The following RPS6KA5 variants were observed in gnomAD, a reference collection of about 807,000 sequenced individuals.
RPS6KA5 encodes the protein ribosomal protein S6 kinase A5, also known as ribosomal protein S6 kinase alpha-5.
In RPS6KA5, 27 loss-of-function variants were observed where a neutral mutation model predicts 85.5. The ratio of observed to expected loss-of-function variants is 0.32; its 90% confidence interval spans 0.23 to 0.44. The LOEUF (loss-of-function observed/expected upper bound fraction) is 0.44. RPS6KA5 is among the 20% of genes least tolerant of loss of function. The pLI, the probability that RPS6KA5 is intolerant of heterozygous loss-of-function variation, is 1.00. For synonymous variants in RPS6KA5, 334 were observed against 348.2 expected, an observed-to-expected ratio of 0.96 and a Z score of 0.46; for missense variants, 811 against 980.9, an observed-to-expected ratio of 0.83 and a Z score of 2.31.
chr14:91,060,391 C>A lies in RPS6KA5; in HGVS notation c.44G>T (p.Ser15Ile). 1 of 1,509,390 alleles carries A rather than the reference C, an allele frequency of 6.6e-7. No homozygotes were observed. Among genetic ancestry groups the A allele is most frequent in the East Asian group, 2.7e-5 (1 of 37,370 alleles). The allele number at this position is 1,509,390 out of a possible 1,614,324, so 93.5% of individuals were successfully genotyped here. A position where few individuals can be genotyped will look rare whatever the true frequency, so the allele number is the denominator to read the frequency against. The change falls in exon 1 of 17, where the codon AGC becomes ATC. Residue 15 changes from serine to isoleucine, a missense_variant. This residue lies in a region of RPS6KA5 where 113 missense variants were observed against 100.0 expected (regional missense o/e 1.13). Transcript: ENST00000614987. The part of the protein sequence containing the change: ...GGSSGGAAGT[S>I]ADGGDGGEQL... ...CTCTCCTCCGTCGCCGCCGTCCGCGCTGGTCCCCGCGGCGCCGCCGCTGCT... is the reference window on the plus strand; with the variant it reads ...CTCTCCTCCGTCGCCGCCGTCCGCGATGGTCCCCGCGGCGCCGCCGCTGCT...
At chr14:90,997,641 C>A (rs111285650) in intron 2 of RPS6KA5, among the ~76,000 whole-genome samples, 2,251 of 152,234 alleles carry the variant, frequency 0.015, 52 homozygotes, top group African/African-American at 0.052. Flanking sequence ...ATGGAAACAA[C>A]CCAAATGCCC....
chr14:91,052,337 G>C (rs2043119172), intron 1 of RPS6KA5: 2 of 394,524 alleles, frequency 5.1e-6, no homozygotes, highest in East Asian at 1.6e-4. Context: ...GTATGGTAGT[G>C]GGTGCCTGTA....
rs2032327823 is a variant in RPS6KA5 at position 90,857,220 on chromosome 14, T to C, written c.*14854A>G. 1 of 152,194 alleles carries C rather than the reference T, an allele frequency of 6.6e-6. No individual in the cohort carries two copies. Among genetic ancestry groups the C allele is most frequent in the Admixed American group, 6.5e-5 (1 of 15,286 alleles). 9.4% of individuals were successfully genotyped at this position (152,194 alleles called of 1,614,324 possible). A position where few individuals can be genotyped will look rare whatever the true frequency, so the allele number is the denominator to read the frequency against. ...TGGGAAAGAATAACAAAGACAGGAA[T>C]AGAATCCTTGATCTGACTATAATAT... On this transcript the variant is annotated 3_prime_UTR_variant, in exon 17 of 17. Coordinates refer to ENST00000614987, the MANE Select transcript of RPS6KA5 (RefSeq NM_004755.4).
rs1006169430 is a variant in RPS6KA5, at chr14:90,859,394, T to C, written c.*12680A>G. 1.3e-5 allele frequency: 2 copies of C among 152,136 alleles called. No individual in the cohort carries two copies. Among genetic ancestry groups the C allele is most frequent in the African/African-American group, 4.8e-5 (2 of 41,428 alleles). The allele number at this position is 152,136 out of a possible 1,614,324, so 9.4% of individuals were successfully genotyped here. A position where few individuals can be genotyped will look rare whatever the true frequency, so the allele number is the denominator to read the frequency against. On this transcript the variant is annotated 3_prime_UTR_variant, in exon 17 of 17. Coordinates refer to ENST00000614987, the MANE Select transcript of RPS6KA5 (RefSeq NM_004755.4). ...ACAACAGACAATGGAAACAAACAAC[T>C]AGTAGTAGTAATCAGACACTGGATT...
intron 14 of RPS6KA5, among the ~76,000 whole-genome samples, chr14:90,880,081 G>C (rs1226707251): frequency 6.6e-6 from 1 of 152,120 alleles, no homozygotes; most frequent in Non-Finnish European, 1.5e-5. Context: ...TTACAAGAGT[G>C]AGCCACCATG....
intron 2 of RPS6KA5, among the ~76,000 whole-genome samples, chr14:91,000,805 A>T (rs189580085): frequency 0.018 from 2,741 of 151,982 alleles, 63 homozygotes; most frequent in African/African-American, 0.064. Context: ...CCGTCTCAAA[A>T]AAAATAAAAT....
At chr14:91,035,930 T>C (rs1199544358) in intron 1 of RPS6KA5, among the ~76,000 whole-genome samples, 1 of 112,764 alleles carries the variant, frequency 8.9e-6, no homozygotes, top group African/African-American at 3.8e-5. Flanking sequence ...CTGAATTAGG[T>C]ATCTTCAAGC....
chr14:90,890,503 C>T lies in RPS6KA5; in HGVS notation c.1820G>A (p.Ser607Asn), dbSNP rs763687878. 6.2e-7 allele frequency: 1 copy of T among 1,606,358 alleles called. No individual in the cohort carries two copies. The change falls in exon 14 of 17, where the codon AGC becomes AAC. Residue 607 changes from serine to asparagine, a missense_variant. Ser to Asn is a conservative substitution (Grantham distance 46). Transcript: ENST00000614987. ...AGAACTCACCAAAATGACGCCCAAG[C>T]TCCACAGGTCACAGGACTCATCGTA... is the stretch of plus-strand genomic sequence containing the variant. ...NGYDESCDLW[S>N]LGVILYTMLS...
In RPS6KA5 at chr14:90,850,082, T is replaced by A. The variant is rs1470168171; in HGVS notation, c.*21992A>T. The A allele has an allele frequency of 6.6e-6, 1 of 152,228 alleles. No individual in the cohort carries two copies. Among genetic ancestry groups the A allele is most frequent in the East Asian group, 1.9e-4 (1 of 5,192 alleles). 9.4% of individuals were successfully genotyped at this position (152,228 alleles called of 1,614,324 possible). ...CCTTAGAAGGAAAGTTTCAGGACACTCTGGCACTTTTTTTCTAGTCTGGGA... is the reference window on the plus strand; with the variant it reads ...CCTTAGAAGGAAAGTTTCAGGACACACTGGCACTTTTTTTCTAGTCTGGGA... On this transcript the variant is annotated 3_prime_UTR_variant, in exon 17 of 17. Transcript: ENST00000614987.
intron 3 of RPS6KA5, among the ~76,000 whole-genome samples, chr14:90,963,010 T>G (rs929377991): frequency 6.6e-6 from 1 of 152,184 alleles, no homozygotes; most frequent in Non-Finnish European, 1.5e-5. Flanking sequence ...CTATTCAAAT[T>G]TGGCCATTTA....
At chr14:91,020,382 T>C (rs957356384) in intron 1 of RPS6KA5, among the ~76,000 whole-genome samples, 2 of 152,206 alleles carry the variant, frequency 1.3e-5, no homozygotes, top group Non-Finnish European at 2.9e-5. Context: ...ATTAGGTATT[T>C]AAAGTAATGT....
At position 90,866,935 on chromosome 14, in the gene RPS6KA5, GT is replaced by G. The variant is rs2032826220; in HGVS notation, c.*5138del. ...TTTCAGCAAATAGGATAGCAGTATA[GT>G]ACCTAAAATAAACTATTAGGAATAA... On this transcript the variant is annotated 3_prime_UTR_variant, in exon 17 of 17. Coordinates refer to ENST00000614987, the MANE Select transcript of RPS6KA5 (RefSeq NM_004755.4). The G allele has an allele frequency of 6.6e-6, 1 of 152,206 alleles. No homozygotes were observed. The highest frequency in any genetic ancestry group is 2.1e-4 in the South Asian group (1 of 4,832). The allele number at this position is 152,206 out of a possible 1,614,324, so 9.4% of individuals were successfully genotyped here. A position where few individuals can be genotyped will look rare whatever the true frequency, so the allele number is the denominator to read the frequency against.
chr14:90,923,701 A>G (rs1240964799), intron 5 of RPS6KA5, among the ~76,000 whole-genome samples: 1 of 152,132 alleles, frequency 6.6e-6, no homozygotes, highest in Non-Finnish European at 1.5e-5. Flanking sequence ...CAAAGATAAA[A>G]AAGAATAAAA....
chr14:90,953,124 G>A (rs752691677), intron 3 of RPS6KA5, among the ~76,000 whole-genome samples: 7 of 152,182 alleles, frequency 4.6e-5, no homozygotes, highest in Non-Finnish European at 8.8e-5. Context: ...CAGGGACCCC[G>A]AATGGAGGGA....
Position 90,863,998 on chromosome 14 carries a change from C to T in RPS6KA5, c.*8076G>A, listed in dbSNP as rs1378617337. 2 of 152,206 alleles carry T rather than the reference C, an allele frequency of 1.3e-5. No homozygotes were observed. The highest frequency in any genetic ancestry group is 4.8e-5 in the African/African-American group (2 of 41,452). The allele number at this position is 152,206 out of a possible 1,614,324, so 9.4% of individuals were successfully genotyped here. On this transcript the variant is annotated 3_prime_UTR_variant, in exon 17 of 17. Coordinates refer to ENST00000614987, the MANE Select transcript of RPS6KA5 (RefSeq NM_004755.4). Reference sequence around the variant, plus strand: ...AGATATGAAGACTTCATAAAAATTACAACTCAGCTTTTCAATACATTGTGC... The same window carrying T: ...AGATATGAAGACTTCATAAAAATTATAACTCAGCTTTTCAATACATTGTGC...
chr14:90,948,500 T>A (rs1286111), intron 3 of RPS6KA5, among the ~76,000 whole-genome samples: 97,959 of 151,876 alleles, frequency 0.64, 32,889 homozygotes, highest in East Asian at 0.87. Flanking sequence ...ATCGAGACCA[T>A]CCTGGCTAAC....
intron 12 of RPS6KA5, among the ~76,000 whole-genome samples, chr14:90,898,304 C>T (rs553830612): frequency 6.6e-6 from 1 of 152,124 alleles, no homozygotes; most frequent in Non-Finnish European, 1.5e-5. Context: ...AGAACCTAGA[C>T]CACACAAGAT....
rs530528549 is a variant in RPS6KA5 at position 90,923,678 on chromosome 14, G to T, written c.619-482C>A. On this transcript the variant is annotated intron_variant, in intron 5 of 16. Coordinates refer to ENST00000614987, the MANE Select transcript of RPS6KA5 (RefSeq NM_004755.4). ...TAGGAAAGACCAAATTCTAAGAGGG[G>T]GAATAATAAACCCAAAGATAAAAAA... 2.6e-5 allele frequency among the ~76,000 whole-genome samples: 4 copies of T among 151,710 alleles called. No individual in the cohort carries two copies. In the East Asian group the frequency reaches 7.7e-4, roughly 29 times the overall value.
intron 2 of RPS6KA5, among the ~76,000 whole-genome samples, chr14:90,996,365 A>G (rs1229720143): frequency 6.6e-6 from 1 of 152,090 alleles, no homozygotes; most frequent in African/African-American, 2.4e-5. Context: ...AGATCAATGA[A>G]TAGGATTAGT....
Sources: allele counts gnomAD v4.1 joint callset (sites outside exome capture counted in the v4.1 genomes callset), GRCh38; gene constraint gnomAD v4.1.1; regional missense constraint gnomAD v4.1.1; transcripts MANE v1.5; gene names NCBI Gene and HGNC (gene_info 2026-07-23, HGNC 2026-07-21).